EPHX2: variants seen among roughly 807,000 people sequenced by gnomAD.
The protein encoded by EPHX2 is epoxide hydrolase 2.
Under a neutral mutation model 78.7 loss-of-function variants are expected in EPHX2, and 74 were observed. The observed-to-expected ratio is 0.94, with a 90% CI of 0.78 to 1.14. The LOEUF is 1.14. Among genes scored for constraint, EPHX2 ranks in the 50% most tolerant of loss-of-function variants. The pLI is 0.00. For missense variants in EPHX2, 715 were observed against 702.5 expected (o/e 1.02, Z -0.20); for synonymous variants, 251 against 255.2 (o/e 0.98, Z 0.16).
Position 27,529,988 on chromosome 8 carries a change from T to C in EPHX2, c.1170+4515T>C, listed in dbSNP as rs369946443. On this transcript the variant is annotated intron_variant, in intron 12 of 18. Coordinates refer to ENST00000521400, the MANE Select transcript of EPHX2 (RefSeq NM_001979.6). ...GAGAGAAAATGTGGGAAAAGAAAAATTGTAGGCAGAAGGTTTTACCTGGCT... is the reference window on the plus strand; with the variant it reads ...GAGAGAAAATGTGGGAAAAGAAAAACTGTAGGCAGAAGGTTTTACCTGGCT... 5.6e-4 allele frequency among the ~76,000 whole-genome samples: 85 copies of C among 151,188 alleles called. 1 individual carries two copies. Among genetic ancestry groups the C allele is most frequent in the African/African-American group, 2.0e-3 (84 of 41,188 alleles).
chr8:27,534,909 C>A (rs1177785147), intron 12 of EPHX2, among the ~76,000 whole-genome samples: 1 of 152,172 alleles, frequency 6.6e-6, no homozygotes, highest in African/African-American at 2.4e-5. Context: ...ATGGAGAAGG[C>A]AGTGTTTGGG....
Position 27,500,939 on chromosome 8 carries a change from G to C in EPHX2, c.115G>C (p.Asp39His), listed in dbSNP as rs561926285. Residue 39 changes from aspartate to histidine, a missense_variant, in exon 2 of 19, where the codon GAT becomes CAT. Coordinates refer to ENST00000521400, the MANE Select transcript of EPHX2 (RefSeq NM_001979.6). ...TGTGTTTTCCAGAGGACTTCTGAAT[G>C]ATGCTTTCCAGAAAGGGGGACCAGA... ...ALALPRGLLN[D>H]AFQKGGPEGA... 6.2e-7 allele frequency: 1 copy of C among 1,613,174 alleles called. No individual in the cohort carries two copies. The highest frequency in any genetic ancestry group is 1.1e-5 in the South Asian group (1 of 90,866).
At chr8:27,536,675 G>C in intron 12 of EPHX2, 109 bp from the exon 13 acceptor site, 1 of 1,066,548 alleles carries the variant, frequency 9.4e-7, no homozygotes, top group Non-Finnish European at 1.4e-6. Flanking sequence ...TGAAACTTGG[G>C]CTGGATGGGG....
At chr8:27,511,362 A>G (rs1814238122) in intron 5 of EPHX2, among the ~76,000 whole-genome samples, 1 of 152,198 alleles carries the variant, frequency 6.6e-6, no homozygotes, top group African/African-American at 2.4e-5. Context: ...TTAAAGTCCA[A>G]ATTCTCTCGC....
At chr8:27,491,941 CTTTTTTTTGTG>C (rs1411998945) in intron 1 of EPHX2, among the ~76,000 whole-genome samples, 1 of 147,732 alleles carries the variant, frequency 6.8e-6, no homozygotes, top group Admixed American at 6.7e-5. Context: ...TTCTCTCTCT[CTTTTTTTTGTG>C]TTTTTTTTTT....
intron 12 of EPHX2, among the ~76,000 whole-genome samples, chr8:27,535,407 T>C (rs1397372170): frequency 7.9e-5 from 12 of 152,078 alleles, no homozygotes; most frequent in Admixed American, 7.9e-4. Flanking sequence ...ACTCCTGACC[T>C]CAGGTGATCT....
chr8:27,506,387 A>G (rs1273203729), intron 4 of EPHX2, among the ~76,000 whole-genome samples: 2 of 152,234 alleles, frequency 1.3e-5, no homozygotes, highest in Non-Finnish European at 2.9e-5. Flanking sequence ...TTAACCAGTC[A>G]TACCAAGGCC....
In EPHX2 at chr8:27,525,101, TGTGTGTGCGCGCGC is replaced by T. The variant is rs1384788372; in HGVS notation, c.1059-259_1059-246del. Among the ~76,000 whole-genome samples, 15 of 130,822 alleles carry T rather than the reference TGTGTGTGCGCGCGC, an allele frequency of 1.1e-4. No homozygotes were observed. In the East Asian group the frequency reaches 2.2e-3, roughly 19 times the overall value. The allele number at this position is 130,822 out of a possible 152,430, so 85.8% of individuals were successfully genotyped here. A position where few individuals can be genotyped will look rare whatever the true frequency, so the allele number is the denominator to read the frequency against. On this transcript the variant is annotated intron_variant, in intron 11 of 18. Transcript: ENST00000521400. ...GTGTGTGTGTGTGTGTGTGTGTGTG[TGTGTGTGCGCGCGC>T]GCGCGCGCACCTATGTGTCTAAGGC...
intron 12 of EPHX2, among the ~76,000 whole-genome samples, chr8:27,532,674 C>T (rs1017971912): frequency 6.6e-6 from 1 of 152,264 alleles, no homozygotes; most frequent in Middle Eastern, 3.4e-3. Flanking sequence ...TCCCTGCCTC[C>T]GTCTTCATGT....
intron 12 of EPHX2, among the ~76,000 whole-genome samples, chr8:27,534,145 A>G (rs974290143): frequency 1.3e-5 from 2 of 152,186 alleles, no homozygotes; most frequent in Non-Finnish European, 2.9e-5. Context: ...TCACTGTGGC[A>G]TTCATCATCA....
downstream of EPHX2, among the ~76,000 whole-genome samples, chr8:27,547,148 G>T (rs904504020): frequency 6.6e-6 from 1 of 152,196 alleles, no homozygotes. Context: ...ACAATTTGAC[G>T]TGAGATTTGG....
chr8:27,535,233 A>C (rs568165089), intron 12 of EPHX2, among the ~76,000 whole-genome samples: 5 of 151,934 alleles, frequency 3.3e-5, no homozygotes, highest in African/African-American at 1.2e-4. Flanking sequence ...CTGGAGTGCA[A>C]TTGTGAGATC....
At position 27,505,110 on chromosome 8, in the gene EPHX2, G is replaced by A. The variant is rs750136903; in HGVS notation, c.501G>A (p.Lys167=). ...GMVKPEPQIY[K]FLLDTLKASP... ...TCAAACCTGAACCTCAGATCTACAA[G>A]TTTCTGCTGGACACCCTGAAGGCCA... Residue 167 remains lysine, a synonymous_variant, in exon 4 of 19, where the codon AAG becomes AAA. Coordinates refer to ENST00000521400, the MANE Select transcript of EPHX2 (RefSeq NM_001979.6). 2.5e-6 allele frequency: 4 copies of A among 1,613,848 alleles called. No individual in the cohort carries two copies. Among genetic ancestry groups the A allele is most frequent in the African/African-American group, 1.3e-5 (1 of 74,890 alleles).
chr8:27,530,060 T>C (rs1259009284), intron 12 of EPHX2, among the ~76,000 whole-genome samples: 1 of 131,370 alleles, frequency 7.6e-6, no homozygotes, highest in Admixed American at 7.0e-5. Context: ...ACATTGAGTC[T>C]CTCTCTCTTT....
chr8:27,514,530 G>A (rs984203139), intron 6 of EPHX2, among the ~76,000 whole-genome samples: 2 of 152,190 alleles, frequency 1.3e-5, no homozygotes, highest in African/African-American at 4.8e-5. Flanking sequence ...GCTGGTTAGT[G>A]GCTATAACAA....
intron 2 of EPHX2, among the ~76,000 whole-genome samples, chr8:27,501,906 TA>T (rs138991857): frequency 0.032 from 4,727 of 148,648 alleles, 213 homozygotes; most frequent in African/African-American, 0.1. Flanking sequence ...TGACTTGTCT[TA>T]AAAAAAAAAG....
At chr8:27,491,417 A>C (rs1451932191) in intron 1 of EPHX2, 108 bp downstream of exon 1, 7 of 757,524 alleles carry the variant, frequency 9.2e-6, no homozygotes, top group Non-Finnish European at 1.4e-5. Flanking sequence ...AGCCCTGCGA[A>C]TCATGCGAAT....
chr8:27,501,357 C>CT (rs1381413519), intron 2 of EPHX2, among the ~76,000 whole-genome samples: 1 of 128,376 alleles, frequency 7.8e-6, no homozygotes, highest in African/African-American at 3.1e-5. Flanking sequence ...TCTTCTTCTT[C>CT]TTCTTCTTCT....
chr8:27,501,401 T>TTCTTTC (rs1450988450), intron 2 of EPHX2, among the ~76,000 whole-genome samples: 2 of 123,120 alleles, frequency 1.6e-5, no homozygotes, highest in Non-Finnish European at 3.6e-5. Context: ...TTCTTTCTTC[T>TTCTTTC]TTCTTCTTTC....
Sources: gnomAD v4.1 joint callset for allele counts (sites outside exome capture counted in the v4.1 genomes callset) on GRCh38, gnomAD v4.1.1 for gene constraint, MANE v1.5 for transcripts, NCBI Gene and HGNC (gene_info 2026-07-23, HGNC 2026-07-21) for gene names.